The following SNTG2 variants were observed in gnomAD, a reference collection of about 807,000 sequenced individuals.
The protein encoded by SNTG2 is syntrophin gamma 2, also known as gamma-2-syntrophin.
SNTG2 carries 74 observed loss-of-function variants against 70.9 expected under a neutral mutation model. That is an observed-to-expected ratio of 1.04 (90% confidence interval 0.86 to 1.27). The LOEUF is 1.27. SNTG2 is among the 50% of genes most tolerant of loss of function. The pLI is 0.00. For missense variants in SNTG2, 717 were observed against 690.7 expected (o/e 1.04, Z -0.43); for synonymous variants, 278 against 273.8 (o/e 1.02, Z -0.15).
At chr2:1,206,507 G>A (rs964045257) in intron 8 of SNTG2, among the ~76,000 whole-genome samples, 13 of 152,126 alleles carry the variant, frequency 8.5e-5, no homozygotes, top group African/African-American at 2.9e-4. Flanking sequence ...ATTTGACCCC[G>A]CTGAGCTAAG....
At position 973,128 on chromosome 2, in the gene SNTG2, C is replaced by T. The variant is rs193297616; in HGVS notation, c.72+22060C>T. On this transcript the variant is annotated intron_variant, in intron 1 of 16. Coordinates refer to ENST00000308624, the MANE Select transcript of SNTG2 (RefSeq NM_018968.4). ...AGTAATTCTTATAGCAAATTAAAAA[C>T]AATCCTCTTTTTGATATACTGTCCT... Among the ~76,000 whole-genome samples the T allele has an allele frequency of 3.8e-3, 581 of 152,244 alleles. 3 individuals are homozygous for T. The highest frequency in any genetic ancestry group is 0.014 in the Admixed American group (213 of 15,294).
intron 1 of SNTG2, among the ~76,000 whole-genome samples, chr2:992,954 C>G (rs912882316): frequency 8.5e-5 from 13 of 152,198 alleles, no homozygotes; most frequent in African/African-American, 3.1e-4. Flanking sequence ...GCAATCAGTC[C>G]TGATTACCCC....
chr2:1,000,896 A>G (rs1041589229), intron 1 of SNTG2, among the ~76,000 whole-genome samples: 23 of 151,994 alleles, frequency 1.5e-4, no homozygotes, highest in African/African-American at 4.6e-4. Context: ...ATCCAGCAGC[A>G]TGTCAAAAAT....
At chr2:1,011,951 A>C (rs1659740463) in intron 1 of SNTG2, among the ~76,000 whole-genome samples, 1 of 152,232 alleles carries the variant, frequency 6.6e-6, no homozygotes, top group Non-Finnish European at 1.5e-5. Context: ...TATGTATTTT[A>C]TATTCTCTGA....
Position 1,204,084 on chromosome 2 carries a change from A to G in SNTG2, c.592-5019A>G, listed in dbSNP as rs6709745. Among the ~76,000 whole-genome samples, 1,296 of 152,306 alleles carry G rather than the reference A, an allele frequency of 8.5e-3. 26 individuals carry two copies. The highest frequency in any genetic ancestry group is 0.029 in the African/African-American group (1,223 of 41,578). On this transcript the variant is annotated intron_variant, in intron 8 of 16. Transcript: ENST00000308624. ...TAATACCGAGTTATAAAGCAGCAAA[A>G]CTAGTCTATAACAGCAGAAACCAGA...
chr2:1,188,947 G>A (rs1672412531), intron 8 of SNTG2, among the ~76,000 whole-genome samples: 3 of 152,022 alleles, frequency 2.0e-5, no homozygotes, highest in Admixed American at 6.6e-5. Context: ...TATTTATTGT[G>A]AAAGAAATAT....
chr2:1,079,880 T>C (rs991999309), intron 1 of SNTG2, among the ~76,000 whole-genome samples: 2 of 152,244 alleles, frequency 1.3e-5, no homozygotes, highest in East Asian at 1.9e-4. Flanking sequence ...AACTAAAAAC[T>C]GTTCTTGTCC....
chr2:1,061,098 A>G (rs1662789828), intron 1 of SNTG2, among the ~76,000 whole-genome samples: 1 of 152,188 alleles, frequency 6.6e-6, no homozygotes, highest in African/African-American at 2.4e-5. Flanking sequence ...TCCAAAAAAA[A>G]AGAGTCAAGA....
At chr2:1,057,891 A>T (rs1460787088) in intron 1 of SNTG2, among the ~76,000 whole-genome samples, 4 of 152,142 alleles carry the variant, frequency 2.6e-5, no homozygotes, top group Admixed American at 1.3e-4. Context: ...TTTAAAAAAA[A>T]TTAGGTGGCA....
intron 1 of SNTG2, among the ~76,000 whole-genome samples, chr2:1,071,202 G>A (rs576978677): frequency 1.5e-4 from 23 of 151,812 alleles, no homozygotes; most frequent in Admixed American, 2.6e-4. Context: ...ACATGCACAC[G>A]TATGTTTATT....
intron 9 of SNTG2, 114 bp from the exon 10 acceptor site, chr2:1,237,774 G>A (rs1676763777): frequency 1.5e-6 from 2 of 1,339,404 alleles, no homozygotes; most frequent in Non-Finnish European, 1.0e-6. Context: ...TGGTGCAGTT[G>A]CCCCATGTCC....
chr2:1,028,784 G>A (rs1335395906), intron 1 of SNTG2, among the ~76,000 whole-genome samples: 2 of 150,614 alleles, frequency 1.3e-5, no homozygotes, highest in Non-Finnish European at 2.9e-5. Flanking sequence ...ATGAAAGCCA[G>A]GGATTCTTCT....
At chr2:1,120,999 A>G (rs928825185) in intron 4 of SNTG2, among the ~76,000 whole-genome samples, 1 of 152,024 alleles carries the variant, frequency 6.6e-6, no homozygotes, top group African/African-American at 2.4e-5. Flanking sequence ...TAGACCATAT[A>G]TTAGGCCATA....
chr2:1,100,218 G>A (rs1665694058), intron 4 of SNTG2, among the ~76,000 whole-genome samples: 1 of 152,010 alleles, frequency 6.6e-6, no homozygotes, highest in African/African-American at 2.4e-5. Context: ...CCAGGCTGGA[G>A]TGCAGAGGCG....
At chr2:1,333,592 CAT>C (rs1182499584) in intron 16 of SNTG2, among the ~76,000 whole-genome samples, 1 of 152,160 alleles carries the variant, frequency 6.6e-6, no homozygotes, top group Non-Finnish European at 1.5e-5. Flanking sequence ...CAAAAACAGA[CAT>C]AGACCAATGG....
rs1291670458 is a variant in SNTG2 at position 1,261,968 on chromosome 2, C to T, written c.1077+2527C>T. ...GCAGTGGTGTTCCGGGAGCCTGTCG[C>T]GAGTGGCCGTTAAGAGTTCTAGAAC... is the stretch of plus-strand genomic sequence containing the variant. On this transcript the variant is annotated intron_variant, in intron 13 of 16. Coordinates refer to ENST00000308624, the MANE Select transcript of SNTG2 (RefSeq NM_018968.4). Among the ~76,000 whole-genome samples the T allele has an allele frequency of 3.9e-5, 6 of 152,102 alleles. No homozygotes were observed. In the East Asian group the frequency reaches 5.8e-4, roughly 15 times the overall value.
In SNTG2 at chr2:1,199,910, G is replaced by T. The variant is rs998240779; in HGVS notation, c.592-9193G>T. Among the ~76,000 whole-genome samples the T allele has an allele frequency of 1.7e-4, 26 of 151,896 alleles. 1 individual carries two copies. Among genetic ancestry groups the T allele is most frequent in the Non-Finnish European group, 2.9e-5 (2 of 67,880 alleles). On this transcript the variant is annotated intron_variant, in intron 8 of 16. Coordinates refer to ENST00000308624, the MANE Select transcript of SNTG2 (RefSeq NM_018968.4). ...GACATCTCATACTCATGGATCAAAA[G>T]AATTAATATAGTAAAAATGACCATA...
At chr2:1,190,782 G>A (rs1315047578) in intron 8 of SNTG2, among the ~76,000 whole-genome samples, 1 of 151,948 alleles carries the variant, frequency 6.6e-6, no homozygotes, top group Non-Finnish European at 1.5e-5. Context: ...ATCTTTAGAA[G>A]TCAATTTTCT....
At chr2:1,112,851 C>G (rs752823025) in intron 4 of SNTG2, among the ~76,000 whole-genome samples, 1 of 151,250 alleles carries the variant, frequency 6.6e-6, no homozygotes, top group East Asian at 2.0e-4. Flanking sequence ...AGGTTTAACC[C>G]TTATACTCCT....
Sources: gnomAD v4.1 joint callset for allele counts (sites outside exome capture counted in the v4.1 genomes callset) on GRCh38, gnomAD v4.1.1 for gene constraint, MANE v1.5 for transcripts, NCBI Gene and HGNC (gene_info 2026-07-23, HGNC 2026-07-21) for gene names.